The following SPADH variants were observed in gnomAD, a reference collection of about 807,000 sequenced individuals.
SPADH encodes the protein spermadhesin family member, also known as CUB domain-containing protein.
chr10:122,674,678 A>C, the SPADH span, among the ~76,000 whole-genome samples: 4 of 152,224 alleles, frequency 2.6e-5, no homozygotes, highest in Non-Finnish European at 5.9e-5. Flanking sequence ...TAATTTACTT[A>C]GTAAAGAAAC....
chr10:122,677,801 G>A, the SPADH span, among the ~76,000 whole-genome samples: 7 of 152,082 alleles, frequency 4.6e-5, no homozygotes, highest in South Asian at 6.2e-4. Flanking sequence ...CCTCAAATAC[G>A]GGGCTTAAAC....
At chr10:122,673,203 T>G in the SPADH span, among the ~76,000 whole-genome samples, 1 of 152,218 alleles carries the variant, frequency 6.6e-6, no homozygotes, top group East Asian at 1.9e-4. Flanking sequence ...CCTTCCTGCC[T>G]TAAGCAATGT....
chr10:122,672,867 C>T, the SPADH span: 1 of 985,372 alleles, frequency 1.0e-6, no homozygotes, highest in Non-Finnish European at 1.2e-6. Flanking sequence ...AGGTTGGTGC[C>T]AGGCCCTGCT....
At chr10:122,679,327 G>T in the SPADH span, among the ~76,000 whole-genome samples, 74,241 of 151,774 alleles carry the variant, frequency 0.49, 19,399 homozygotes, top group African/African-American at 0.68. Flanking sequence ...TATAGAAGTG[G>T]GTATCTCTGA....
chr10:122,679,263 A>G, the SPADH span, among the ~76,000 whole-genome samples: 1 of 152,122 alleles, frequency 6.6e-6, no homozygotes. Context: ...GTACACCCAC[A>G]TCTTTAGTGT....
chr10:122,674,873 A>G, the SPADH span, among the ~76,000 whole-genome samples: 1 of 152,178 alleles, frequency 6.6e-6, no homozygotes, highest in Admixed American at 6.5e-5. Context: ...GGAGAGTTAA[A>G]AACTTTGTCC....
chr10:122,677,356 T>C, the SPADH span, among the ~76,000 whole-genome samples: 5 of 152,246 alleles, frequency 3.3e-5, no homozygotes, highest in Non-Finnish European at 7.3e-5. Flanking sequence ...ACCACTTTCC[T>C]GACTCTCTGC....
chr10:122,675,632 G>A, the SPADH span: 1 of 982,294 alleles, frequency 1.0e-6, no homozygotes, highest in Non-Finnish European at 1.2e-6. Flanking sequence ...GTTTTGTTTT[G>A]TCTTTCAGCC....
chr10:122,672,964 G>A, the SPADH span: 12 of 982,178 alleles, frequency 1.2e-5, no homozygotes, highest in Middle Eastern at 5.2e-4. Flanking sequence ...TCTGGGCCTC[G>A]CACTGTTTTC....
chr10:122,677,300 G>A, the SPADH span, among the ~76,000 whole-genome samples: 1 of 152,256 alleles, frequency 6.6e-6, no homozygotes, highest in South Asian at 2.1e-4. Context: ...TTTTCATGTT[G>A]TATTTCATGA....
chr10:122,678,890 C>T, the SPADH span: 2 of 984,248 alleles, frequency 2.0e-6, no homozygotes, highest in Non-Finnish European at 2.4e-6. Flanking sequence ...GCTGGATGGA[C>T]CTCCAGGGTC....
chr10:122,679,470 A>T, the SPADH span, among the ~76,000 whole-genome samples: 1 of 150,608 alleles, frequency 6.6e-6, no homozygotes, highest in East Asian at 1.9e-4. Flanking sequence ...TGAATATATA[A>T]TCCTAGAAAA....
At chr10:122,675,228 T>C in the SPADH span, among the ~76,000 whole-genome samples, 2 of 152,158 alleles carry the variant, frequency 1.3e-5, no homozygotes, top group Non-Finnish European at 2.9e-5. Flanking sequence ...CCCAGGAAAG[T>C]GGGACGTGAG....
chr10:122,679,332 C>G, the SPADH span, among the ~76,000 whole-genome samples: 1 of 152,090 alleles, frequency 6.6e-6, no homozygotes, highest in Non-Finnish European at 1.5e-5. Context: ...AAGTGGGTAT[C>G]TCTGAGAAGC....
the SPADH span, chr10:122,676,679 G>A: frequency 1.0e-6 from 1 of 972,980 alleles, no homozygotes; most frequent in Non-Finnish European, 1.2e-6. Context: ...TAATAACAGG[G>A]GCCCCTGGAA....
At chr10:122,678,416 G>A in the SPADH span, among the ~76,000 whole-genome samples, 1 of 152,194 alleles carries the variant, frequency 6.6e-6, no homozygotes, top group South Asian at 2.1e-4. Context: ...CCAGGGAGTG[G>A]TGTCCACACA....
chr10:122,674,830 T>C, the SPADH span, among the ~76,000 whole-genome samples: 27,325 of 152,216 alleles, frequency 0.18, 2,878 homozygotes, highest in Middle Eastern at 0.27. Flanking sequence ...AAAATCAAGA[T>C]GCCCATTGTA....
At chr10:122,677,586 C>T in the SPADH span, among the ~76,000 whole-genome samples, 2 of 152,128 alleles carry the variant, frequency 1.3e-5, no homozygotes, top group African/African-American at 4.8e-5. Flanking sequence ...CATTGATATC[C>T]CAGGGCAGTG....
chr10:122,675,429 C>A, the SPADH span, among the ~76,000 whole-genome samples: 1 of 152,132 alleles, frequency 6.6e-6, no homozygotes, highest in African/African-American at 2.4e-5. Context: ...ATGCTTCCTT[C>A]CATCCTTCTC....
Sources: allele counts gnomAD v4.1 joint callset (sites outside exome capture counted in the v4.1 genomes callset), GRCh38; gene constraint gnomAD v4.1.1; transcripts MANE v1.5; gene names NCBI Gene and HGNC (gene_info 2026-07-23, HGNC 2026-07-21).